Variants in SH3GL2 observed in about 807,000 individuals in gnomAD.
SH3GL2 encodes SH3 domain containing GRB2 like 2, endophilin A1, also known as endophilin-A1.
A neutral mutation model predicts 46.0 loss-of-function variants in SH3GL2; 24 were observed. The ratio of observed to expected loss-of-function variants is 0.52; its 90% CI spans 0.38 to 0.73. The LOEUF (loss-of-function observed/expected upper bound fraction) is 0.73, where lower values mean the gene tolerates loss of function less well. Among genes scored for constraint, SH3GL2 ranks in the 30% least tolerant of loss-of-function variants. The pLI, the probability that SH3GL2 is intolerant of heterozygous loss-of-function variation, is 0.00. For synonymous variants in SH3GL2, 196 were observed against 147.1 expected, an observed-to-expected ratio of 1.33 and a Z score of -2.40; for missense variants, 413 against 424.2, an observed-to-expected ratio of 0.97 and a Z score of 0.23.
chr9:17,718,990 C>T (rs1189846670), intron 1 of SH3GL2, among the ~76,000 whole-genome samples: 1 of 152,034 alleles, frequency 6.6e-6, no homozygotes, highest in Non-Finnish European at 1.5e-5. Flanking sequence ...GAATTTAAAT[C>T]CTAAGGTGTC....
chr9:17,715,936 A>C (rs1324318519), intron 1 of SH3GL2, among the ~76,000 whole-genome samples: 1 of 152,088 alleles, frequency 6.6e-6, no homozygotes, highest in African/African-American at 2.4e-5. Flanking sequence ...CTGTACTGAA[A>C]GTGAAAAGAA....
At chr9:17,735,967 G>A (rs1822322710) in intron 1 of SH3GL2, among the ~76,000 whole-genome samples, 1 of 152,100 alleles carries the variant, frequency 6.6e-6, no homozygotes, top group South Asian at 2.1e-4. Context: ...GAATTTGTGT[G>A]ATAGGGGAGA....
In SH3GL2 at chr9:17,579,204, C is replaced by T; in HGVS notation, c.-39C>T. 1.3e-6 allele frequency: 2 copies of T among 1,497,242 alleles called. No individual in the cohort carries two copies. Among genetic ancestry groups the T allele is most frequent in the Non-Finnish European group, 1.8e-6 (2 of 1,114,512 alleles). 92.7% of individuals were successfully genotyped at this position (1,497,242 alleles called of 1,614,324 possible). On this transcript the variant is annotated 5_prime_UTR_variant, in exon 1 of 9. Coordinates refer to ENST00000380607, the MANE Select transcript of SH3GL2 (RefSeq NM_003026.5). ...GCCCTCCAGTCCCCCTCCGCCTCCT[C>T]CCTCCCGCACAGCAGCCGCCAGCGC...
chr9:17,693,355 T>C (rs534078009), intron 1 of SH3GL2, among the ~76,000 whole-genome samples: 2 of 152,266 alleles, frequency 1.3e-5, no homozygotes, highest in East Asian at 3.9e-4. Flanking sequence ...TAATGGATGC[T>C]CTTTTGGTTG....
At chr9:17,766,689 C>T (rs1306076057) in intron 3 of SH3GL2, among the ~76,000 whole-genome samples, 2 of 151,866 alleles carry the variant, frequency 1.3e-5, no homozygotes, top group Non-Finnish European at 2.9e-5. Context: ...TTTTTTCATA[C>T]TCTGGATTTC....
Position 17,786,510 on chromosome 9 carries a change from A to G in SH3GL2, c.317A>G (p.Asp106Gly). ...AMLKFGRELG[D>G]DCNFGPALGE... ...CTCAAATTTGGAAGAGAGCTTGGAG[A>G]TGATTGCAACTTTGGTAACAAGTGC... The change falls in exon 4 of 9, where the codon GAT (aspartate) becomes GGT (glycine). Residue 106 changes from aspartate (D) to glycine (G), a missense_variant. Physicochemically the swap from Asp to Gly is moderately conservative, Grantham distance 94. Transcript: ENST00000380607. 1 of 1,613,376 alleles carries G rather than the reference A, an allele frequency of 6.2e-7. No homozygotes were observed. The highest frequency in any genetic ancestry group is 8.5e-7 in the Non-Finnish European group (1 of 1,179,584).
chr9:17,750,802 C>A (rs1385733147), intron 2 of SH3GL2, among the ~76,000 whole-genome samples: 3 of 152,200 alleles, frequency 2.0e-5, no homozygotes, highest in Non-Finnish European at 4.4e-5. Flanking sequence ...CAGTTACATT[C>A]ATTAATTTAC....
At chr9:17,760,502 A>G (rs917398407) in intron 2 of SH3GL2, among the ~76,000 whole-genome samples, 1 of 152,074 alleles carries the variant, frequency 6.6e-6, no homozygotes. Flanking sequence ...ACTGGTATAT[A>G]TTATATACCA....
rs140579722 is a variant in SH3GL2, at chr9:17,705,552, C to T, written c.46-41514C>T. ...ACCATATTCAGGCCACTTAAATTGA[C>T]GTAGATTCAACCTAAGTCGACTGGA... On this transcript the variant is annotated intron_variant, in intron 1 of 8. Transcript: ENST00000380607. Among the ~76,000 whole-genome samples the T allele has an allele frequency of 8.9e-4, 136 of 152,000 alleles. 1 individual carries two copies. Among genetic ancestry groups the T allele is most frequent in the Middle Eastern group, 6.8e-3 (2 of 294 alleles).
chr9:17,588,890 G>T (rs1464163037), intron 1 of SH3GL2, among the ~76,000 whole-genome samples: 13 of 152,198 alleles, frequency 8.5e-5, no homozygotes, highest in African/African-American at 2.9e-4. Context: ...GCTGGAACTT[G>T]TAACATGGCC....
intron 1 of SH3GL2, among the ~76,000 whole-genome samples, chr9:17,587,704 C>T (rs1009570712): frequency 9.9e-5 from 15 of 152,158 alleles, no homozygotes; most frequent in Admixed American, 3.9e-4. Context: ...ATGGTGAAGC[C>T]GCTTCTCTAC....
chr9:17,682,162 A>G (rs764586444), intron 1 of SH3GL2, among the ~76,000 whole-genome samples: 21 of 152,330 alleles, frequency 1.4e-4, no homozygotes, highest in Non-Finnish European at 2.1e-4. Context: ...CGATTCCTCA[A>G]GGATCTACAA....
chr9:17,717,692 C>T (rs6475168), intron 1 of SH3GL2, among the ~76,000 whole-genome samples: 50,991 of 151,848 alleles, frequency 0.34, 11,432 homozygotes, highest in African/African-American at 0.63. Flanking sequence ...AAATTGCTAA[C>T]AGAAGTATGC....
At chr9:17,581,504 A>G (rs1172031917) in intron 1 of SH3GL2, among the ~76,000 whole-genome samples, 1 of 152,204 alleles carries the variant, frequency 6.6e-6, no homozygotes, top group Admixed American at 6.5e-5. Context: ...TATATTTAGG[A>G]GAGTATGTAA....
intron 1 of SH3GL2, among the ~76,000 whole-genome samples, chr9:17,737,208 G>A (rs992443161): frequency 1.3e-5 from 2 of 151,976 alleles, no homozygotes; most frequent in African/African-American, 2.4e-5. Context: ...GTCAGGGGGT[G>A]GGGGGCTAGG....
intron 1 of SH3GL2, among the ~76,000 whole-genome samples, chr9:17,599,421 T>C (rs745947156): frequency 6.6e-6 from 1 of 152,226 alleles, no homozygotes; most frequent in Non-Finnish European, 1.5e-5. Context: ...CAGTGCCAAA[T>C]GGCACTGTAT....
intron 1 of SH3GL2, among the ~76,000 whole-genome samples, chr9:17,690,013 G>C (rs7870919): frequency 0.54 from 82,481 of 151,920 alleles, 23,687 homozygotes; most frequent in African/African-American, 0.72. Flanking sequence ...TTCTCAAATT[G>C]TGCCCCTTAG....
At chr9:17,649,826 C>G (rs1029596840) in intron 1 of SH3GL2, among the ~76,000 whole-genome samples, 1 of 152,146 alleles carries the variant, frequency 6.6e-6, no homozygotes, top group Non-Finnish European at 1.5e-5. Context: ...ATAAACGTGT[C>G]AAACCAATTT....
At chr9:17,687,115 G>T (rs541814873) in intron 1 of SH3GL2, among the ~76,000 whole-genome samples, 1 of 151,988 alleles carries the variant, frequency 6.6e-6, no homozygotes, top group African/African-American at 2.4e-5. Context: ...ATGTAAACTA[G>T]CATTAAAAAA....
Sources: gnomAD v4.1 joint callset for allele counts (sites outside exome capture counted in the v4.1 genomes callset) on GRCh38, gnomAD v4.1.1 for gene constraint, MANE v1.5 for transcripts, NCBI Gene and HGNC (gene_info 2026-07-23, HGNC 2026-07-21) for gene names.